Variants in PCDHA1 observed in about 807,000 individuals in gnomAD.
The protein encoded by PCDHA1 is protocadherin alpha-1.
A neutral mutation model predicts 61.3 loss-of-function variants in PCDHA1; 42 were observed. The ratio of observed to expected loss-of-function variants is 0.69; its 90% CI spans 0.54 to 0.89. The LOEUF (loss-of-function observed/expected upper bound fraction) is 0.89, where lower values mean the gene tolerates loss of function less well. PCDHA1 is among the 40% of genes least tolerant of loss of function. The probability of loss-of-function intolerance (pLI) is 0.00; values close to 1 mark genes in which losing one functional copy is unlikely to be tolerated. For synonymous variants in PCDHA1, 610 were observed against 553.8 expected, an observed-to-expected ratio of 1.10 and a Z score of -1.43; for missense variants, 1,256 against 1,235.3, an observed-to-expected ratio of 1.02 and a Z score of -0.25.
At chr5:140,913,759 G>A (rs782668286) in intron 1 of PCDHA1, among the ~76,000 whole-genome samples, 1 of 151,994 alleles carries the variant, frequency 6.6e-6, no homozygotes, top group African/African-American at 2.4e-5. Context: ...GTATCTCATA[G>A]GTTTTGGCAT....
At chr5:140,834,383 A>T in intron 1 of PCDHA1, 1 of 1,567,408 alleles carries the variant, frequency 6.4e-7, no homozygotes, top group Non-Finnish European at 8.6e-7. Flanking sequence ...AATAATTTGA[A>T]ATGGTGTGCC....
chr5:140,834,297 C>A, intron 1 of PCDHA1: 1 of 1,251,394 alleles, frequency 8.0e-7, no homozygotes, highest in Non-Finnish European at 1.1e-6. Context: ...AATGGCCACA[C>A]ATCGAGATTG....
intron 1 of PCDHA1, chr5:140,858,116 G>T: frequency 1.3e-6 from 2 of 1,597,882 alleles, no homozygotes; most frequent in Non-Finnish European, 1.7e-6. Context: ...GCCCGAGGTG[G>T]CCCTGGTGGA....
Position 140,850,649 on chromosome 5 carries a change from C to T in PCDHA1, c.2394+61965C>T, listed in dbSNP as rs1413606456. The T allele has an allele frequency of 2.5e-6, 4 of 1,598,500 alleles. 1 individual carries two copies. Among genetic ancestry groups the T allele is most frequent in the Non-Finnish European group, 2.6e-6 (3 of 1,167,902 alleles). ...TGTTGGTTCTCACGCTGCTGCTGTA[C>T]ACTGTGCTGCGGTGCTCGGCGATGC... On this transcript the variant is annotated intron_variant, in intron 1 of 3. Transcript: ENST00000504120.
chr5:140,902,324 C>T (rs1554190388), intron 1 of PCDHA1, among the ~76,000 whole-genome samples: 1 of 151,472 alleles, frequency 6.6e-6, no homozygotes, highest in Non-Finnish European at 1.5e-5. Flanking sequence ...AGGTGTAACT[C>T]ACTTCGCCTG....
rs143060335 is a variant in PCDHA1 at position 140,868,584 on chromosome 5, G to A, written c.2394+79900G>A. 748 of 153,118 alleles carry A rather than the reference G, an allele frequency of 4.9e-3. 7 individuals carry two copies. Among genetic ancestry groups the A allele is most frequent in the African/African-American group, 0.016 (680 of 41,552 alleles). The allele number at this position is 153,118 out of a possible 1,614,324, so 9.5% of individuals were successfully genotyped here. A position where few individuals can be genotyped will look rare whatever the true frequency, so the allele number is the denominator to read the frequency against. Reference sequence around the variant, plus strand: ...ATGAGGAACAACACTTTCAGGAAATGTTTAACCCTAGTTTTTCATGAGGCC... The same window carrying A: ...ATGAGGAACAACACTTTCAGGAAATATTTAACCCTAGTTTTTCATGAGGCC... On this transcript the variant is annotated intron_variant, in intron 1 of 3. Transcript: ENST00000504120.
intron 1 of PCDHA1, chr5:140,835,919 G>T (rs2150248357): frequency 2.5e-6 from 4 of 1,612,404 alleles, no homozygotes; most frequent in Admixed American, 3.3e-5. Context: ...CAGTGCACGC[G>T]GAGAGCGGCA....
chr5:140,930,841 A>T (rs2087150671), intron 1 of PCDHA1, among the ~76,000 whole-genome samples: 1 of 152,230 alleles, frequency 6.6e-6, no homozygotes, highest in South Asian at 2.1e-4. Context: ...ATGAATAAAT[A>T]TGTGCATATA....
intron 2 of PCDHA1, among the ~76,000 whole-genome samples, chr5:140,981,825 T>G (rs941645731): frequency 2.0e-5 from 3 of 152,184 alleles, no homozygotes; most frequent in African/African-American, 7.2e-5. Context: ...TCTGCTTGCC[T>G]CTAAAGGTCT....
In PCDHA1 at chr5:140,870,516, C is replaced by A. The variant is rs568100247; in HGVS notation, c.2394+81832C>A. The A allele has an allele frequency of 2.2e-4, 361 of 1,614,240 alleles. 3 individuals carry two copies. In the South Asian group the frequency reaches 3.8e-3, roughly 17 times the overall value. ...TGAAGGAGAACAACCCACCAGGCTG[C>A]CACATCTTCACAGTGTCGGCGCGGG... is the stretch of plus-strand genomic sequence containing the variant. On this transcript the variant is annotated intron_variant, in intron 1 of 3. Coordinates refer to ENST00000504120, the MANE Select transcript of PCDHA1 (RefSeq NM_018900.4).
chr5:140,877,023 G>A (rs1554169254), intron 1 of PCDHA1: 2 of 1,612,456 alleles, frequency 1.2e-6, no homozygotes, highest in Non-Finnish European at 1.7e-6. Flanking sequence ...GCGGCAAGGT[G>A]TACGCGCTGC....
chr5:140,909,719 C>T (rs2074652522), intron 1 of PCDHA1, among the ~76,000 whole-genome samples: 1 of 152,130 alleles, frequency 6.6e-6, no homozygotes, highest in Non-Finnish European at 1.5e-5. Flanking sequence ...ATACCTATGC[C>T]AATTATGCAT....
intron 1 of PCDHA1, among the ~76,000 whole-genome samples, chr5:140,792,524 A>G (rs1554118818): frequency 6.6e-6 from 1 of 152,168 alleles, no homozygotes; most frequent in East Asian, 1.9e-4. Flanking sequence ...TGTGGGGGAA[A>G]TGTACTTGCA....
intron 1 of PCDHA1, chr5:140,796,908 C>G (rs140366950): frequency 2.5e-6 from 4 of 1,613,920 alleles, no homozygotes; most frequent in South Asian, 2.2e-5. Flanking sequence ...ACCGCCTACT[C>G]GTGCTGGTGA....
At chr5:140,799,542 C>T (rs189125604) in intron 1 of PCDHA1, among the ~76,000 whole-genome samples, 2 of 151,884 alleles carry the variant, frequency 1.3e-5, no homozygotes, top group African/African-American at 4.8e-5. Flanking sequence ...TAATATAGCA[C>T]AATATAATCA....
chr5:140,798,722 C>T (rs1762354472), intron 1 of PCDHA1, among the ~76,000 whole-genome samples: 1 of 152,186 alleles, frequency 6.6e-6, no homozygotes, highest in Admixed American at 6.5e-5. Context: ...TGGATGACTA[C>T]ATTTTCACTT....
intron 3 of PCDHA1, among the ~76,000 whole-genome samples, chr5:140,983,623 GA>G (rs1554245569): frequency 6.6e-6 from 1 of 152,202 alleles, no homozygotes; most frequent in African/African-American, 2.4e-5. Flanking sequence ...GAGAGATTAA[GA>G]AATGTACCCA....
chr5:140,866,355 C>T (rs1031469942), intron 1 of PCDHA1: 16 of 152,086 alleles, frequency 1.1e-4, no homozygotes, highest in African/African-American at 3.6e-4. Flanking sequence ...GAAATGTTTA[C>T]AATATTGCAT....
intron 1 of PCDHA1, among the ~76,000 whole-genome samples, chr5:140,907,345 G>A (rs568376480): frequency 3.3e-5 from 5 of 152,296 alleles, no homozygotes; most frequent in East Asian, 1.9e-4. Flanking sequence ...GCATGAGCCC[G>A]CTGCTGCACT....
Sources: gnomAD v4.1 joint callset for allele counts (sites outside exome capture counted in the v4.1 genomes callset) on GRCh38, gnomAD v4.1.1 for gene constraint, MANE v1.5 for transcripts, NCBI Gene and HGNC (gene_info 2026-07-23, HGNC 2026-07-21) for gene names.